OXR1: variants seen among roughly 807,000 people sequenced by gnomAD.
The protein encoded by OXR1 is oxidation resistance protein 1.
Under a neutral mutation model 104.6 loss-of-function variants are expected in OXR1, and 41 were observed. That is an observed-to-expected ratio of 0.39 (90% confidence interval 0.31 to 0.51). The LOEUF (loss-of-function observed/expected upper bound fraction) is 0.51. OXR1 is among the 20% of genes least tolerant of loss of function. OXR1 has a pLI of 0.77. For synonymous variants in OXR1, 348 were observed against 348.4 expected (o/e 1.00, Z 0.01); for missense variants, 955 against 1,031.9 (o/e 0.93, Z 1.02).
At chr8:106,647,073 G>A (rs1824145971) in intron 3 of OXR1, among the ~76,000 whole-genome samples, 1 of 152,166 alleles carries the variant, frequency 6.6e-6, no homozygotes, top group African/African-American at 2.4e-5. Flanking sequence ...GTAAGTTGAT[G>A]TCACTTATTG....
intron 3 of OXR1, among the ~76,000 whole-genome samples, chr8:106,549,834 T>A (rs888387758): frequency 6.6e-6 from 1 of 152,222 alleles, no homozygotes; most frequent in African/African-American, 2.4e-5. Flanking sequence ...GTTACCTTCA[T>A]ATACCATCAC....
chr8:106,491,463 A>G (rs1811081913), intron 2 of OXR1, among the ~76,000 whole-genome samples: 1 of 152,208 alleles, frequency 6.6e-6, no homozygotes, highest in African/African-American at 2.4e-5. Flanking sequence ...CTAATCTGAA[A>G]TAGAACTCTT....
intron 1 of OXR1, among the ~76,000 whole-genome samples, chr8:106,342,332 C>T (rs1378741026): frequency 6.6e-6 from 1 of 151,410 alleles, no homozygotes; most frequent in Non-Finnish European, 1.5e-5. Context: ...CTCACTGCAA[C>T]CTCGGCCTCC....
At chr8:106,433,574 C>A (rs1388951656) in intron 2 of OXR1, among the ~76,000 whole-genome samples, 2 of 152,178 alleles carry the variant, frequency 1.3e-5, no homozygotes, top group Non-Finnish European at 2.9e-5. Flanking sequence ...CCTTCCCAAA[C>A]TTAGTTCCGT....
intron 3 of OXR1, among the ~76,000 whole-genome samples, chr8:106,531,442 A>G (rs577890999): frequency 6.6e-6 from 1 of 152,220 alleles, no homozygotes; most frequent in South Asian, 2.1e-4. Flanking sequence ...TTTGTACTCA[A>G]AGATTCTTGG....
At chr8:106,456,520 A>G in intron 2 of OXR1, among the ~76,000 whole-genome samples, 1 of 152,246 alleles carries the variant, frequency 6.6e-6, no homozygotes, top group South Asian at 2.1e-4. Context: ...TGATAAAATA[A>G]GTATGTTGGA....
intron 2 of OXR1, among the ~76,000 whole-genome samples, chr8:106,389,021 A>G (rs1315519203): frequency 6.6e-6 from 1 of 152,224 alleles, no homozygotes; most frequent in Non-Finnish European, 1.5e-5. Context: ...TATTCAGTTT[A>G]GACCCCTTCT....
chr8:106,407,035 A>G (rs777906239), intron 2 of OXR1, among the ~76,000 whole-genome samples: 15 of 152,208 alleles, frequency 9.9e-5, no homozygotes, highest in Non-Finnish European at 2.2e-4. Flanking sequence ...GTTTCTACTC[A>G]GAGTTGCTGT....
intron 1 of OXR1, among the ~76,000 whole-genome samples, chr8:106,352,111 G>A (rs191138709): frequency 6.6e-6 from 1 of 152,240 alleles, no homozygotes; most frequent in African/African-American, 2.4e-5. Context: ...AACTGGAAAG[G>A]GGGGCTGGTT....
intron 1 of OXR1, among the ~76,000 whole-genome samples, chr8:106,323,044 A>C (rs941781249): frequency 9.2e-5 from 14 of 152,196 alleles, no homozygotes; most frequent in African/African-American, 3.4e-4. Context: ...AGACTATTTT[A>C]AAATTTATAT....
chr8:106,679,016 G>A (rs1371031854), intron 3 of OXR1, among the ~76,000 whole-genome samples, 194 bp from the exon 4 acceptor site: 1 of 151,952 alleles, frequency 6.6e-6, no homozygotes, highest in Non-Finnish European at 1.5e-5. Context: ...TACTAGTTAA[G>A]TTCCTAAAGC....
intron 2 of OXR1, among the ~76,000 whole-genome samples, chr8:106,378,819 C>T (rs993657099): frequency 2.0e-5 from 3 of 152,114 alleles, no homozygotes; most frequent in East Asian, 1.9e-4. Flanking sequence ...TGATGTCTGA[C>T]TTTCTTTGGG....
rs373923949 is a variant in OXR1 at position 106,750,257 on chromosome 8, A to T, written c.2487-549A>T. 5.3e-5 allele frequency among the ~76,000 whole-genome samples: 8 copies of T among 151,618 alleles called. No individual in the cohort carries two copies. In the East Asian group the frequency reaches 9.7e-4, roughly 18 times the overall value. On this transcript the variant is annotated intron_variant, in intron 16 of 16. Coordinates refer to ENST00000517566, the MANE Select transcript of OXR1 (RefSeq NM_001198533.2). ...CTGTCTCAAAAGCTAATCCTATATA[A>T]AGTTCATTATAGAGGACACTGTTCC...
chr8:106,499,253 G>A (rs1159273146), intron 2 of OXR1, among the ~76,000 whole-genome samples: 4 of 151,916 alleles, frequency 2.6e-5, no homozygotes, highest in Non-Finnish European at 4.4e-5. Flanking sequence ...ATTTTGCTTG[G>A]GAGATGATTA....
chr8:106,651,076 TA>T (rs1159616382), intron 3 of OXR1, among the ~76,000 whole-genome samples: 1 of 152,164 alleles, frequency 6.6e-6, no homozygotes. Context: ...GAGTGTGCTT[TA>T]AAAATGTTGA....
chr8:106,371,103 T>C (rs535968165), intron 2 of OXR1, among the ~76,000 whole-genome samples: 1 of 152,256 alleles, frequency 6.6e-6, no homozygotes, highest in African/African-American at 2.4e-5. Context: ...TATTCAGGGA[T>C]TTGACTTCTT....
intron 3 of OXR1, among the ~76,000 whole-genome samples, chr8:106,623,198 G>T (rs1366491013): frequency 6.6e-6 from 1 of 152,100 alleles, no homozygotes; most frequent in Non-Finnish European, 1.5e-5. Context: ...TGGAAAAATT[G>T]TGTCATCTGC....
At chr8:106,746,539 A>G (rs1835411182) in intron 16 of OXR1, among the ~76,000 whole-genome samples, 1 of 152,238 alleles carries the variant, frequency 6.6e-6, no homozygotes, top group African/African-American at 2.4e-5. Context: ...AATAATTTTC[A>G]GACTTGTAAA....
At chr8:106,729,412 T>C (rs1229124305) in intron 11 of OXR1, among the ~76,000 whole-genome samples, 1 of 152,066 alleles carries the variant, frequency 6.6e-6, no homozygotes, top group African/African-American at 2.4e-5. Context: ...TTTATACATA[T>C]TATTTATTTC....
Sources: gnomAD v4.1 joint callset for allele counts (sites outside exome capture counted in the v4.1 genomes callset) on GRCh38, gnomAD v4.1.1 for gene constraint, MANE v1.5 for transcripts, NCBI Gene and HGNC (gene_info 2026-07-23, HGNC 2026-07-21) for gene names.